The following ANO4 variants were observed in gnomAD, a reference collection of about 807,000 sequenced individuals.
The protein encoded by ANO4 is anoctamin 4, also known as anoctamin-4.
A neutral mutation model predicts 141.9 loss-of-function variants in ANO4; 69 were observed. The observed-to-expected ratio is 0.49, with a 90% CI of 0.40 to 0.59. The LOEUF is 0.59. Among genes scored for constraint, ANO4 ranks in the 20% least tolerant of loss-of-function variants. The pLI is 0.00. For synonymous variants in ANO4, 350 were observed against 394.3 expected, an observed-to-expected ratio of 0.89 and a Z score of 1.33; for missense variants, 894 against 1,162.2, an observed-to-expected ratio of 0.77 and a Z score of 3.36.
At position 100,835,013 on chromosome 12, in the gene ANO4, A is replaced by G. The variant is rs116903581; in HGVS notation, c.-141+39986A>G. ...GATCAGAAATGTAGGAGGGAACCAG[A>G]CTACCATAGATGCGACACATGAACA... On this transcript the variant is annotated intron_variant, in intron 1 of 27. Transcript: ENST00000392977. Among the ~76,000 whole-genome samples the G allele has an allele frequency of 7.8e-3, 1,181 of 152,282 alleles. 8 individuals carry two copies. Among genetic ancestry groups the G allele is most frequent in the Non-Finnish European group, 9.3e-3 (633 of 68,010 alleles).
intron 2 of ANO4, among the ~76,000 whole-genome samples, chr12:100,902,311 C>G (rs1160344070): frequency 6.6e-6 from 1 of 152,116 alleles, no homozygotes; most frequent in African/African-American, 2.4e-5. Context: ...TGTTTTAAGT[C>G]TTCTGGGAAG....
chr12:100,941,985 A>ATTAT (rs895404214), intron 4 of ANO4, among the ~76,000 whole-genome samples: 1 of 148,032 alleles, frequency 6.8e-6, no homozygotes, highest in African/African-American at 2.5e-5. Flanking sequence ...TATTATTATT[A>ATTAT]TTATTATTAT....
At chr12:101,066,127 C>G (rs190970184) in intron 14 of ANO4, among the ~76,000 whole-genome samples, 1 of 152,118 alleles carries the variant, frequency 6.6e-6, no homozygotes, top group Non-Finnish European at 1.5e-5. Context: ...ATAATAAAAG[C>G]CACATATGAC....
chr12:100,857,414 T>C (rs1000696842), intron 1 of ANO4, among the ~76,000 whole-genome samples: 1 of 152,154 alleles, frequency 6.6e-6, no homozygotes, highest in Non-Finnish European at 1.5e-5. Flanking sequence ...CCATGTAGGA[T>C]GTTAAATGCT....
intron 1 of ANO4, among the ~76,000 whole-genome samples, chr12:100,806,548 T>G (rs1593379868): frequency 5.0e-5 from 3 of 60,062 alleles, no homozygotes; most frequent in East Asian, 4.7e-4. Flanking sequence ...TTTTTTTTTT[T>G]TTTTTTTTTT....
chr12:100,912,613 G>A (rs903319042), intron 2 of ANO4, among the ~76,000 whole-genome samples: 1 of 152,060 alleles, frequency 6.6e-6, no homozygotes, highest in Admixed American at 6.6e-5. Flanking sequence ...ATGAGCATTA[G>A]TTAAGAGTGA....
At chr12:100,749,153 G>A (rs548399531) in intron 3 of ANO4, among the ~76,000 whole-genome samples, 2 of 152,226 alleles carry the variant, frequency 1.3e-5, no homozygotes, top group East Asian at 1.9e-4. Context: ...GAGGAGCTGG[G>A]GGTAAATGTC....
intron 14 of ANO4, chr12:101,067,127 A>C (rs1189886046): frequency 6.0e-6 from 2 of 335,218 alleles, no homozygotes; most frequent in Non-Finnish European, 1.1e-5. Flanking sequence ...TCCACTTTTT[A>C]TAATGGATTG....
At position 100,746,080 on chromosome 12, in the gene ANO4, G is replaced by T. The variant is rs190555887; in HGVS notation, c.358+5975G>T. ...TCACTGGAGAGGGAGGTCAGCATAA[G>T]AAATTATTTGGAAAAAGACTGGGAA... is the stretch of plus-strand genomic sequence containing the variant. On this transcript the variant is annotated intron_variant, in intron 3 of 29. Coordinates refer to the ANO4 transcript ENST00000644049. Among the ~76,000 whole-genome samples the T allele has an allele frequency of 1.8e-3, 279 of 152,240 alleles. 4 individuals are homozygous for T. The highest frequency in any genetic ancestry group is 1.7e-3 in the South Asian group (8 of 4,816).
chr12:100,720,830 A>G (rs2030832200), intron 1 of ANO4, among the ~76,000 whole-genome samples: 1 of 152,186 alleles, frequency 6.6e-6, no homozygotes, highest in Non-Finnish European at 1.5e-5. Context: ...CTTTATGTGA[A>G]TTAGCTCAGT....
chr12:100,931,517 T>C (rs1291091710), intron 3 of ANO4, among the ~76,000 whole-genome samples: 1 of 152,160 alleles, frequency 6.6e-6, no homozygotes, highest in Non-Finnish European at 1.5e-5. Flanking sequence ...TGTCACTTAC[T>C]AGCTGCATGG....
intron 3 of ANO4, 42 bp downstream of exon 3, chr12:100,922,372 G>A: frequency 1.4e-6 from 2 of 1,410,620 alleles, no homozygotes; most frequent in East Asian, 5.1e-5. Flanking sequence ...GAGAGAAGAA[G>A]CTATTATAAT....
chr12:101,076,564 A>C (rs2049032735), intron 14 of ANO4, among the ~76,000 whole-genome samples: 1 of 152,218 alleles, frequency 6.6e-6, no homozygotes, highest in Admixed American at 6.5e-5. Flanking sequence ...TGTGACAGCC[A>C]CTGGCTCATC....
chr12:100,718,530 C>T (rs977774574), intron 1 of ANO4, among the ~76,000 whole-genome samples: 1 of 152,198 alleles, frequency 6.6e-6, no homozygotes, highest in Non-Finnish European at 1.5e-5. Flanking sequence ...GTGGAATCTT[C>T]ATTCTCTAGG....
chr12:100,886,050 C>T (rs2039810173), intron 1 of ANO4, among the ~76,000 whole-genome samples: 2 of 150,036 alleles, frequency 1.3e-5, no homozygotes, highest in Middle Eastern at 6.8e-3. Context: ...CACTAAACAT[C>T]AAAAAAGTTA....
At chr12:100,898,579 G>T (rs1292404252) in intron 1 of ANO4, among the ~76,000 whole-genome samples, 2 of 151,542 alleles carry the variant, frequency 1.3e-5, no homozygotes, top group South Asian at 4.2e-4. Context: ...AACATTTTTT[G>T]CTATGATCTA....
chr12:100,758,009 A>G (rs1438430839), intron 3 of ANO4, among the ~76,000 whole-genome samples: 1 of 152,224 alleles, frequency 6.6e-6, no homozygotes, highest in African/African-American at 2.4e-5. Flanking sequence ...TTCCTTTAAA[A>G]AGAAAAGGCA....
chr12:100,718,111 C>G (rs889755737), intron 1 of ANO4, among the ~76,000 whole-genome samples: 1 of 152,158 alleles, frequency 6.6e-6, no homozygotes, highest in African/African-American at 2.4e-5. Context: ...ATTCATCGTT[C>G]CCCTGCCCAT....
chr12:100,980,463 C>G (rs763748428), intron 7 of ANO4, among the ~76,000 whole-genome samples: 4 of 152,176 alleles, frequency 2.6e-5, no homozygotes, highest in African/African-American at 9.7e-5. Flanking sequence ...ACATATACAA[C>G]TTGCCATCTA....
Sources: allele counts gnomAD v4.1 joint callset (sites outside exome capture counted in the v4.1 genomes callset), GRCh38; gene constraint gnomAD v4.1.1; transcripts MANE v1.5; gene names NCBI Gene and HGNC (gene_info 2026-07-23, HGNC 2026-07-21).